The following NRXN3 variants were observed in gnomAD, a reference collection of about 807,000 sequenced individuals.
NRXN3 encodes the protein neurexin 3, also known as neurexin III.
In NRXN3, 32 loss-of-function variants were observed where a neutral mutation model predicts 137.6. That is an observed-to-expected ratio of 0.23 (90% CI 0.18 to 0.31). NRXN3 has a LOEUF of 0.31. Ranked by LOEUF, NRXN3 falls within the 10% of genes least tolerant of loss-of-function variation. The probability of loss-of-function intolerance (pLI) is 1.00; values close to 1 mark genes in which losing one functional copy is unlikely to be tolerated. For missense variants in NRXN3, 1,574 were observed against 2,062.5 expected (o/e 0.76, Z 4.59); for synonymous variants, 798 against 784.5 (o/e 1.02, Z -0.29).
chr14:79,849,331 GA>G (rs1430784924), intron 20 of NRXN3, among the ~76,000 whole-genome samples: 1 of 152,072 alleles, frequency 6.6e-6, no homozygotes, highest in Non-Finnish European at 1.5e-5. Context: ...ACAGGTTGAG[GA>G]AAACATATTT....
At chr14:78,402,950 A>G (rs2092211455) in intron 4 of NRXN3, among the ~76,000 whole-genome samples, 1 of 152,188 alleles carries the variant, frequency 6.6e-6, no homozygotes, top group African/African-American at 2.4e-5. Flanking sequence ...ATGGGTAACA[A>G]CTGAGTCTAT....
At chr14:78,299,041 G>A (rs905297134) in intron 4 of NRXN3, among the ~76,000 whole-genome samples, 9 of 152,216 alleles carry the variant, frequency 5.9e-5, no homozygotes, top group Non-Finnish European at 1.3e-4. Context: ...AACTGACAAA[G>A]CAGGGTAAGG....
intron 3 of NRXN3, among the ~76,000 whole-genome samples, chr14:78,296,511 C>G (rs774044361): frequency 1.1e-4 from 17 of 152,136 alleles, no homozygotes; most frequent in Middle Eastern, 3.2e-3. Context: ...TACCCTTCCC[C>G]CACAAAAGAC....
At chr14:79,431,908 C>T (rs551536556) in intron 15 of NRXN3, among the ~76,000 whole-genome samples, 1 of 152,192 alleles carries the variant, frequency 6.6e-6, no homozygotes, top group South Asian at 2.1e-4. Context: ...TAGTCACAGA[C>T]CTTATTATCC....
chr14:79,712,830 T>G (rs2098809366), intron 19 of NRXN3, among the ~76,000 whole-genome samples: 1 of 152,194 alleles, frequency 6.6e-6, no homozygotes, highest in East Asian at 1.9e-4. Context: ...TCCTGCGTCT[T>G]CCTTGCTCGT....
chr14:79,228,399 T>G (rs1488334557), intron 15 of NRXN3, among the ~76,000 whole-genome samples: 3 of 152,126 alleles, frequency 2.0e-5, no homozygotes, highest in Non-Finnish European at 4.4e-5. Flanking sequence ...TCTGTTAAAT[T>G]TTTTAAAAAG....
At chr14:79,259,806 G>A (rs1245843757) in intron 15 of NRXN3, among the ~76,000 whole-genome samples, 1 of 151,550 alleles carries the variant, frequency 6.6e-6, no homozygotes, top group East Asian at 1.9e-4. Context: ...TGAAAACTGA[G>A]TCCAAGATTG....
chr14:78,560,393 G>A (rs1473907968), intron 4 of NRXN3, among the ~76,000 whole-genome samples: 2 of 152,174 alleles, frequency 1.3e-5, no homozygotes, highest in African/African-American at 4.8e-5. Flanking sequence ...TTCTCTTAGG[G>A]ACTCAGGTCC....
chr14:78,217,223 C>G (rs1287082419), intron 1 of NRXN3, among the ~76,000 whole-genome samples: 1 of 151,970 alleles, frequency 6.6e-6, no homozygotes, highest in Admixed American at 6.6e-5. Flanking sequence ...AATAGCAAAC[C>G]CTCGTATTTT....
intron 20 of NRXN3, among the ~76,000 whole-genome samples, chr14:79,857,933 C>T (rs763981719): frequency 1.1e-4 from 17 of 152,072 alleles, no homozygotes; most frequent in Admixed American, 4.6e-4. Flanking sequence ...TCGCTGCTAC[C>T]GAGATTAATA....
Position 79,140,680 on chromosome 14 carries a change from A to C in NRXN3, c.3262+152539A>C, listed in dbSNP as rs1335955849. ...TGTAAGCTCAAGTCACCTAAATAAAAACTACTGTATAAGAAGGAGGCACAA... is the reference window on the plus strand; with the variant it reads ...TGTAAGCTCAAGTCACCTAAATAAACACTACTGTATAAGAAGGAGGCACAA... On this transcript the variant is annotated intron_variant, in intron 15 of 20. Coordinates refer to ENST00000335750, the MANE Select transcript of NRXN3 (RefSeq NM_001330195.2). Among the ~76,000 whole-genome samples the C allele has an allele frequency of 2.0e-5, 3 of 152,078 alleles. No individual in the cohort carries two copies. The East Asian group carries it at 5.8e-4, about 29-fold the overall frequency.
At chr14:78,900,273 T>TCTCAGGA (rs1318782733) in intron 10 of NRXN3, among the ~76,000 whole-genome samples, 1 of 151,914 alleles carries the variant, frequency 6.6e-6, no homozygotes, top group African/African-American at 2.4e-5. Flanking sequence ...GTGGCTGGCA[T>TCTCAGGA]CTCAGGACCA....
At chr14:79,475,372 T>A (rs1012705485) in intron 16 of NRXN3, among the ~76,000 whole-genome samples, 1 of 152,144 alleles carries the variant, frequency 6.6e-6, no homozygotes, top group African/African-American at 2.4e-5. Context: ...TGTTAGTTAA[T>A]GACAGTTATG....
In NRXN3 at chr14:78,414,820, G is replaced by A. The variant is rs529784667; in HGVS notation, c.757+116960G>A. Among the ~76,000 whole-genome samples, 7 of 152,202 alleles carry A rather than the reference G, an allele frequency of 4.6e-5. No individual in the cohort carries two copies. In the East Asian group the frequency reaches 7.7e-4, roughly 17 times the overall value. On this transcript the variant is annotated intron_variant, in intron 4 of 20. Coordinates refer to ENST00000335750, the MANE Select transcript of NRXN3 (RefSeq NM_001330195.2). ...AACTGAGGAAAAACCACACGATCTCGGAGGGGTAGAGAATACTATATTTAT... is the reference window on the plus strand; with the variant it reads ...AACTGAGGAAAAACCACACGATCTCAGAGGGGTAGAGAATACTATATTTAT...
At chr14:79,089,547 C>T (rs991091774) in intron 15 of NRXN3, among the ~76,000 whole-genome samples, 6 of 152,170 alleles carry the variant, frequency 3.9e-5, no homozygotes, top group African/African-American at 1.4e-4. Context: ...CAAACATAGT[C>T]ATGAACGTTT....
At chr14:78,345,837 A>T (rs2082671500) in intron 4 of NRXN3, among the ~76,000 whole-genome samples, 1 of 152,142 alleles carries the variant, frequency 6.6e-6, no homozygotes, top group Non-Finnish European at 1.5e-5. Context: ...ATACCGAGGG[A>T]AACTGAGACT....
At chr14:78,684,215 G>A (rs988672064) in intron 6 of NRXN3, among the ~76,000 whole-genome samples, 2 of 152,176 alleles carry the variant, frequency 1.3e-5, no homozygotes, top group Admixed American at 6.5e-5. Context: ...TCTTTGGCAA[G>A]TATTACAGGC....
chr14:78,862,694 T>A (rs978566651), intron 10 of NRXN3, among the ~76,000 whole-genome samples: 15 of 152,206 alleles, frequency 9.9e-5, no homozygotes, highest in African/African-American at 3.4e-4. Context: ...AGGGGCTGAG[T>A]ATACAAAAAT....
rs780792329 is a variant in NRXN3, at chr14:79,711,055, T to TATTC, written c.4014+13120_4014+13123dup. Among the ~76,000 whole-genome samples the TATTC allele has an allele frequency of 3.8e-4, 58 of 152,212 alleles. 2 individuals carry two copies. The highest frequency in any genetic ancestry group is 2.7e-3 in the Admixed American group (42 of 15,282). On this transcript the variant is annotated intron_variant, in intron 19 of 20. Coordinates refer to ENST00000335750, the MANE Select transcript of NRXN3 (RefSeq NM_001330195.2). ...TTCCAAGAATAGGGTCTTTAATTTC[T>TATTC]ATTCAAAAAAGACCAAATTTCAAAT...
Sources: allele counts gnomAD v4.1 joint callset (sites outside exome capture counted in the v4.1 genomes callset), GRCh38; gene constraint gnomAD v4.1.1; transcripts MANE v1.5; gene names NCBI Gene and HGNC (gene_info 2026-07-23, HGNC 2026-07-21).